ZNF862: variants seen among roughly 807,000 people sequenced by gnomAD.
The protein encoded by ZNF862 is zinc finger protein 862.
Under a neutral mutation model 91.1 loss-of-function variants are expected in ZNF862, and 64 were observed. That is an observed-to-expected ratio of 0.70 (90% CI 0.57 to 0.87). The LOEUF is 0.87. Among genes scored for constraint, ZNF862 ranks in the 40% least tolerant of loss-of-function variants. The pLI, the probability that ZNF862 is intolerant of heterozygous loss-of-function variation, is 0.00. For missense variants in ZNF862, 1,459 were observed against 1,528.0 expected (o/e 0.95, Z 0.75); for synonymous variants, 631 against 618.1 (o/e 1.02, Z -0.31).
At position 149,861,263 on chromosome 7, in the gene ZNF862, G is replaced by A; in HGVS notation, c.2103G>A (p.Met701Ile). The A allele has an allele frequency of 3.7e-6, 6 of 1,612,196 alleles. No individual in the cohort carries two copies. Among genetic ancestry groups the A allele is most frequent in the South Asian group, 1.1e-5 (1 of 90,954 alleles). The stretch of plus-strand genomic sequence containing the variant: ...GGCTGGGGACGGATGGCTCAGCCAT[G>A]TTGAGCTGCAGAGGAGGCCTTGTGG... ...VVGLGTDGSA[M>I]LSCRGGLVEK... Residue 701 changes from methionine to isoleucine, a missense_variant, in exon 7 of 8, where the codon ATG becomes ATA. Met to Ile is a conservative substitution (Grantham distance 10, BLOSUM62 1). Coordinates refer to ENST00000223210, the MANE Select transcript of ZNF862 (RefSeq NM_001099220.3). This position sits in a 1 kb window ranked among gnomAD's most constrained non-coding sequence, Gnocchi z 6.7.
chr7:149,841,680 C>G (rs1210021765), intron 1 of ZNF862: 9 of 985,238 alleles, frequency 9.1e-6, no homozygotes, highest in Non-Finnish European at 1.1e-5. Flanking sequence ...GTTGGTGCCC[C>G]GAAAGAGAAG....
In ZNF862 at chr7:149,846,990, C is replaced by T. The variant is rs572100600; in HGVS notation, c.241+735C>T. Among the ~76,000 whole-genome samples the T allele has an allele frequency of 6.6e-5, 10 of 152,306 alleles. No homozygotes were observed. In the East Asian group the frequency reaches 1.9e-3, roughly 29 times the overall value. On this transcript the variant is annotated intron_variant, in intron 3 of 7. Transcript: ENST00000223210. Reference sequence around the variant, plus strand: ...TGTAGACCAGTCTGTTGGCCTGGCACAAAAATGTTGCGTCCTCAGCCACTG... The same window carrying T: ...TGTAGACCAGTCTGTTGGCCTGGCATAAAAATGTTGCGTCCTCAGCCACTG...
chr7:149,844,566 T>C, intron 1 of ZNF862, 59 bp from the exon 2 acceptor site: 1 of 1,345,166 alleles, frequency 7.4e-7, no homozygotes, highest in Non-Finnish European at 1.0e-6. Context: ...TCAGGAACAC[T>C]TTTGGAAGAT....
At chr7:149,859,238 C>A in intron 5 of ZNF862, 184 bp from the exon 6 acceptor site, 1 of 630,066 alleles carries the variant, frequency 1.6e-6, no homozygotes, top group Admixed American at 2.4e-5. Context: ...CTGAGGGCTG[C>A]CCCTCCCCTT....
intron 4 of ZNF862, among the ~76,000 whole-genome samples, chr7:149,848,634 A>G (rs1801960896): frequency 6.6e-6 from 1 of 152,232 alleles, no homozygotes; most frequent in South Asian, 2.1e-4. Flanking sequence ...TAATTTGGAC[A>G]ACAACCCTAT....
chr7:149,851,680 G>C (rs1342765657), intron 5 of ZNF862: 1 of 152,268 alleles, frequency 6.6e-6, no homozygotes, highest in African/African-American at 2.4e-5. Context: ...GGCTGGCCAG[G>C]ATTGTTTAGC....
At position 149,840,187 on chromosome 7, in the gene ZNF862, T is replaced by TAAAAAAAAAAAAAAAA. The variant is rs60721842; in HGVS notation, c.24+1569_24+1584dup. Among the ~76,000 whole-genome samples, 13 of 41,252 alleles carry TAAAAAAAAAAAAAAAA rather than the reference T, an allele frequency of 3.2e-4. 1 individual carries two copies. The highest frequency in any genetic ancestry group is 4.5e-4 in the Non-Finnish European group (10 of 21,994). 27.1% of individuals were successfully genotyped at this position (41,252 alleles called of 152,430 possible). ...TTAGGTTTTAAGAAAGCTTAAAAAG[T>TAAAAAAAAAAAAAAAA]AAAAAAAAAAAAAAAAAAAAAAAAA... On this transcript the variant is annotated intron_variant, in intron 1 of 7. Coordinates refer to ENST00000223210, the MANE Select transcript of ZNF862 (RefSeq NM_001099220.3).
chr7:149,838,752 G>A, intron 1 of ZNF862, 117 bp downstream of exon 1: 1 of 646,182 alleles, frequency 1.5e-6, no homozygotes, highest in Non-Finnish European at 2.2e-6. Flanking sequence ...TTGCAGGGAA[G>A]GACTCGCCGG....
rs763826344 is a variant in ZNF862 at position 149,848,187 on chromosome 7, G to C, written c.694G>C (p.Glu232Gln). ...ACCTGGAGATGTTCTGGCCAGCCCGGAGCCGCTCTTCACTGCAGATTGCCC... is the reference window on the plus strand; with the variant it reads ...ACCTGGAGATGTTCTGGCCAGCCCGCAGCCGCTCTTCACTGCAGATTGCCC... ...DPPGDVLASP[E>Q]PLFTADCPIF... The change falls in exon 4 of 8, where the codon GAG (glutamate) becomes CAG (glutamine). Residue 232 changes from glutamate (E) to glutamine (Q), a missense_variant. Transcript: ENST00000223210. The C allele has an allele frequency of 2.5e-6, 4 of 1,614,016 alleles. No individual in the cohort carries two copies. The highest frequency in any genetic ancestry group is 3.4e-6 in the Non-Finnish European group (4 of 1,179,892).
At position 149,866,851 on chromosome 7, in the gene ZNF862, C is replaced by G. The variant is rs1435900872; in HGVS notation, c.*2567C>G. On this transcript the variant is annotated 3_prime_UTR_variant, in exon 8 of 8. Transcript: ENST00000223210. Reference sequence around the variant, plus strand: ...TGAGCATCCTTATCAGAGGCCCTGGCCCAGGCTGGCCCCTTTGCTTTGTTT... The same window carrying G: ...TGAGCATCCTTATCAGAGGCCCTGGGCCAGGCTGGCCCCTTTGCTTTGTTT... The G allele has an allele frequency of 6.6e-6, 1 of 152,294 alleles. No individual in the cohort carries two copies. Among genetic ancestry groups the G allele is most frequent in the East Asian group, 1.9e-4 (1 of 5,194 alleles). 9.4% of individuals were successfully genotyped at this position (152,294 alleles called of 1,614,324 possible).
At chr7:149,854,810 G>A (rs1802201071) in intron 5 of ZNF862, among the ~76,000 whole-genome samples, 1 of 152,226 alleles carries the variant, frequency 6.6e-6, no homozygotes, top group South Asian at 2.1e-4. Flanking sequence ...GCAGTGTTTG[G>A]AATCGTCACG....
In ZNF862 at chr7:149,866,353, G is replaced by A. The variant is rs1488762717; in HGVS notation, c.*2069G>A. The A allele has an allele frequency of 2.6e-5, 4 of 152,274 alleles. No individual in the cohort carries two copies. Among genetic ancestry groups the A allele is most frequent in the Non-Finnish European group, 5.9e-5 (4 of 68,092 alleles). The allele number at this position is 152,274 out of a possible 1,614,324, so 9.4% of individuals were successfully genotyped here. On this transcript the variant is annotated 3_prime_UTR_variant, in exon 8 of 8. Transcript: ENST00000223210. ...TGCCCAGGTCAGGCACTGTGGATGTGAACTCGTGGAAAGGGAGGGAGAAAG... is the reference window on the plus strand; with the variant it reads ...TGCCCAGGTCAGGCACTGTGGATGTAAACTCGTGGAAAGGGAGGGAGAAAG...
rs766891513 is a variant in ZNF862 at position 149,846,192 on chromosome 7, C to A, written c.178C>A (p.Arg60=). Residue 60 remains arginine (R), a synonymous_variant, in exon 3 of 8, where the codon CGA becomes AGA. Coordinates refer to ENST00000223210, the MANE Select transcript of ZNF862 (RefSeq NM_001099220.3). ...TCCTGAGCTGTTCCGCAAGTTCGGA[C>A]GAGGGCCAGAGCCATGGCTTGGCAG... The part of the protein sequence containing the change: ...ANPELFRKFG[R]GPEPWLGSVQ... 1.5e-5 allele frequency: 24 copies of A among 1,613,546 alleles called. No individual in the cohort carries two copies. The East Asian group carries it at 1.6e-4, about 10-fold the overall frequency.
chr7:149,839,479 T>C (rs539660765), intron 1 of ZNF862, among the ~76,000 whole-genome samples: 19 of 152,346 alleles, frequency 1.2e-4, no homozygotes, highest in Non-Finnish European at 2.8e-4. Context: ...TGATTTGCAT[T>C]GAACGAGATG....
Position 149,847,912 on chromosome 7 carries a change from A to G in ZNF862, c.419A>G (p.Gln140Arg). ...NRKLLKPRSI[Q>R]KSWFVQFPWL... ...AAACTTCTGAAGCCCCGGTCCATCC[A>G]GAAGTCGTGGTTTGTGCAGTTTCCG... is the stretch of plus-strand genomic sequence containing the variant. Residue 140 changes from glutamine (Q) to arginine (R), a missense_variant, in exon 4 of 8, where the codon CAG (glutamine) becomes CGG (arginine). Physicochemically the swap from Gln to Arg is conservative, Grantham distance 43 (BLOSUM62 1). Coordinates refer to ENST00000223210, the MANE Select transcript of ZNF862 (RefSeq NM_001099220.3). The G allele has an allele frequency of 1.2e-6, 2 of 1,607,008 alleles. No individual in the cohort carries two copies. Among genetic ancestry groups the G allele is most frequent in the South Asian group, 2.2e-5 (2 of 90,056 alleles).
intron 1 of ZNF862, among the ~76,000 whole-genome samples, chr7:149,839,631 G>C (rs1279360528): frequency 6.6e-6 from 1 of 152,190 alleles, no homozygotes; most frequent in African/African-American, 2.4e-5. Context: ...TTTTGATGCT[G>C]TAGTTTTTCC....
rs1162135645 is a variant in ZNF862 at position 149,862,155 on chromosome 7, A to AG, written c.2995_2996insG (p.Ile999SerfsTer42). The AG allele has an allele frequency of 6.2e-7, 1 of 1,613,276 alleles. No individual in the cohort carries two copies. Among genetic ancestry groups the AG allele is most frequent in the Non-Finnish European group, 8.5e-7 (1 of 1,179,856 alleles). ...GGAGGAGTGGCTGGGCCTGAAAACC[A>AG]TTGCCCAGCACCTCCCGTTCTCCAT... is the stretch of plus-strand genomic sequence containing the variant. On this transcript the variant is annotated frameshift_variant, in exon 7 of 8. Coordinates refer to ENST00000223210, the MANE Select transcript of ZNF862 (RefSeq NM_001099220.3). LOFTEE classifies it high-confidence loss of function.
intron 1 of ZNF862, chr7:149,841,469 T>A (rs1801701791): frequency 2.0e-6 from 2 of 978,100 alleles, no homozygotes; most frequent in Admixed American, 6.2e-5. Flanking sequence ...ATTCTCATGT[T>A]CATTTATTTA....
At position 149,850,462 on chromosome 7, in the gene ZNF862, C is replaced by T. The variant is rs2128937949; in HGVS notation, c.1117+124C>T. On this transcript the variant is annotated intron_variant, in intron 5 of 7. Coordinates refer to ENST00000223210, the MANE Select transcript of ZNF862 (RefSeq NM_001099220.3). The surrounding 1 kb of genome is among the most constrained non-coding windows in gnomAD (Gnocchi z 4.2). ...TCCCTGTGTGTAGGCAGAGACCGAT[C>T]CTGTCTTTTGCACCTCATAACTCCC... 1 of 1,046,314 alleles carries T rather than the reference C, an allele frequency of 9.6e-7. No individual in the cohort carries two copies. The highest frequency in any genetic ancestry group is 1.7e-5 in the South Asian group (1 of 59,772). The allele number at this position is 1,046,314 out of a possible 1,614,324, so 64.8% of individuals were successfully genotyped here.
Sources: allele counts gnomAD v4.1 joint callset (sites outside exome capture counted in the v4.1 genomes callset), GRCh38; gene constraint gnomAD v4.1.1; non-coding constraint Gnocchi (gnomAD v3.1); transcripts MANE v1.5; gene names NCBI Gene and HGNC (gene_info 2026-07-23, HGNC 2026-07-21).